The following UBE2W variants were observed in gnomAD, a reference collection of about 807,000 sequenced individuals.
UBE2W encodes ubiquitin-conjugating enzyme E2 W.
UBE2W carries 18 observed loss-of-function variants against 27.2 expected under a neutral mutation model. That is an observed-to-expected ratio of 0.66 (90% CI 0.46 to 0.98). The LOEUF (loss-of-function observed/expected upper bound fraction) is 0.98. UBE2W is among the 50% of genes least tolerant of loss of function. The probability of loss-of-function intolerance (pLI) is 0.00; values close to 1 mark genes in which losing one functional copy is unlikely to be tolerated. For missense variants in UBE2W, 90 were observed against 180.2 expected (o/e 0.50, Z 2.87); for synonymous variants, 53 against 57.2 (o/e 0.93, Z 0.33).
At chr8:73,835,564 G>A (rs942565525) in intron 1 of UBE2W, among the ~76,000 whole-genome samples, 1 of 152,144 alleles carries the variant, frequency 6.6e-6, no homozygotes, top group Non-Finnish European at 1.5e-5. Context: ...CTAATATGGT[G>A]AAAACCTGTC....
At chr8:73,848,204 G>GTAAATAAATAAATAAA (rs1161054554) in intron 1 of UBE2W, among the ~76,000 whole-genome samples, 9 of 151,928 alleles carry the variant, frequency 5.9e-5, no homozygotes, top group African/African-American at 2.2e-4. Flanking sequence ...AAATAAATAA[G>GTAAATAAATAAATAAA]TAAATAAATA....
intron 1 of UBE2W, among the ~76,000 whole-genome samples, chr8:73,876,209 T>C (rs1012957596): frequency 1.3e-5 from 2 of 151,892 alleles, no homozygotes; most frequent in South Asian, 2.1e-4. Context: ...GTCTGACACA[T>C]AGAGGTCCCC....
At chr8:73,877,347 T>C (rs1812275972) in intron 1 of UBE2W, among the ~76,000 whole-genome samples, 2 of 152,240 alleles carry the variant, frequency 1.3e-5, no homozygotes, top group Non-Finnish European at 2.9e-5. Context: ...AAATTGTTCC[T>C]GTTTTTTCCC....
Position 73,791,280 on chromosome 8 carries a change from AAG to A in UBE2W, c.*2820_*2821del, listed in dbSNP as rs1334190307. The A allele has an allele frequency of 2.1e-4, 203 of 982,658 alleles. No homozygotes were observed. In the African/African-American group the frequency reaches 3.0e-3, roughly 14 times the overall value. The allele number at this position is 982,658 out of a possible 1,614,324, so 60.9% of individuals were successfully genotyped here. On this transcript the variant is annotated 3_prime_UTR_variant, in exon 6 of 6. Coordinates refer to ENST00000602593, the MANE Select transcript of UBE2W (RefSeq NM_018299.6). ...TACTTGACCAAAGAAAAAAAAAAAA[AAG>A]AAGGGCATCATGTTCATGATCTAAG...
intron 1 of UBE2W, among the ~76,000 whole-genome samples, chr8:73,863,066 T>C (rs1454685747): frequency 8.0e-6 from 1 of 125,214 alleles, no homozygotes; most frequent in Non-Finnish European, 1.6e-5. Context: ...GACCCAGCCA[T>C]CCCATTACTG....
Position 73,781,099 on chromosome 8 carries a change from GTC to G in UBE2W, c.430-584_430-583del, listed in dbSNP as rs537212491. The stretch of plus-strand genomic sequence containing the variant: ...AGCCTGGCCAACATGGTGAAACCCT[GTC>G]TCTACTAAAAATACAAAAATTAGCC... On this transcript the variant is annotated intron_variant, in intron 4 of 4. Transcript: ENST00000523278. Among the ~76,000 whole-genome samples, 530 of 151,460 alleles carry G rather than the reference GTC, an allele frequency of 3.5e-3. 5 individuals carry two copies. Among genetic ancestry groups the G allele is most frequent in the Non-Finnish European group, 5.0e-3 (340 of 67,802 alleles).
At chr8:73,799,661 T>TA (rs745927341) in intron 5 of UBE2W, among the ~76,000 whole-genome samples, 135 of 152,174 alleles carry the variant, frequency 8.9e-4, no homozygotes, top group African/African-American at 6.3e-4. Flanking sequence ...TTGACCCAAG[T>TA]ATGTCAGGAA....
chr8:73,808,299 G>A (rs1809006423), intron 4 of UBE2W, among the ~76,000 whole-genome samples: 1 of 152,154 alleles, frequency 6.6e-6, no homozygotes, highest in Admixed American at 6.5e-5. Flanking sequence ...GCAGTGGCGT[G>A]ATATCAGCTT....
rs902161564 is a variant in UBE2W at position 73,878,751 on chromosome 8, C to G, written c.15+57G>C. 9 of 1,465,356 alleles carry G rather than the reference C, an allele frequency of 6.1e-6. No homozygotes were observed. The African/African-American group carries it at 1.1e-4, about 18-fold the overall frequency. The allele number at this position is 1,465,356 out of a possible 1,614,324, so 90.8% of individuals were successfully genotyped here. ...ATCGCGGACGCCACCCCCGCCCGAA[C>G]GCTGGCACTCTCTCGGCGGCTCCCT... On this transcript the variant is annotated intron_variant, in intron 1 of 5. Coordinates refer to ENST00000602593, the MANE Select transcript of UBE2W (RefSeq NM_018299.6).
chr8:73,821,795 G>A (rs1187365011), intron 3 of UBE2W, among the ~76,000 whole-genome samples: 1 of 152,046 alleles, frequency 6.6e-6, no homozygotes, highest in Non-Finnish European at 1.5e-5. Context: ...GAGCCCAGGA[G>A]CTCGAGACTA....
chr8:73,813,314 G>A (rs1809252432), intron 3 of UBE2W, among the ~76,000 whole-genome samples: 1 of 152,168 alleles, frequency 6.6e-6, no homozygotes, highest in Non-Finnish European at 1.5e-5. Flanking sequence ...GTACTCAGGA[G>A]AGAAGAGAAA....
chr8:73,799,880 C>CTT (rs1486848145), intron 5 of UBE2W, among the ~76,000 whole-genome samples: 1 of 152,118 alleles, frequency 6.6e-6, no homozygotes, highest in Non-Finnish European at 1.5e-5. Context: ...TGCTAAGAAA[C>CTT]ATCAAGAGTC....
intron 3 of UBE2W, among the ~76,000 whole-genome samples, chr8:73,822,271 G>C (rs986125649): frequency 6.6e-6 from 1 of 152,072 alleles, no homozygotes; most frequent in African/African-American, 2.4e-5. Flanking sequence ...CTGTTGAGAG[G>C]GGGCACTGAG....
chr8:73,812,035 G>C (rs1470559444), intron 3 of UBE2W, among the ~76,000 whole-genome samples: 1 of 151,904 alleles, frequency 6.6e-6, no homozygotes, highest in Non-Finnish European at 1.5e-5. Flanking sequence ...TAATAAAGCA[G>C]TCTTTCATAT....
At chr8:73,834,572 T>G (rs1317854585) in intron 1 of UBE2W, among the ~76,000 whole-genome samples, 1 of 152,090 alleles carries the variant, frequency 6.6e-6, no homozygotes, top group South Asian at 2.1e-4. Context: ...AGTCTAGAAG[T>G]TGGAGTCCAG....
chr8:73,826,646 G>A (rs1239665907), intron 2 of UBE2W, among the ~76,000 whole-genome samples: 3 of 152,126 alleles, frequency 2.0e-5, no homozygotes, highest in Middle Eastern at 3.4e-3. Flanking sequence ...TAAAAGATAC[G>A]ACCACAGACC....
intron 1 of UBE2W, among the ~76,000 whole-genome samples, chr8:73,866,766 T>C (rs1461932720): frequency 6.6e-6 from 1 of 151,858 alleles, no homozygotes; most frequent in Non-Finnish European, 1.5e-5. Context: ...AAAAAGTAAA[T>C]TGGCTGGGCG....
Position 73,788,604 on chromosome 8 carries a change from T to C in UBE2W, c.*5498A>G. On this transcript the variant is annotated 3_prime_UTR_variant, in exon 6 of 6. Transcript: ENST00000602593. ...AAGTTCCTTATGGTAGATTTCAGGCTTTAAATTGTAAGTTTCAGGCTTCAA... is the reference window on the plus strand; with the variant it reads ...AAGTTCCTTATGGTAGATTTCAGGCCTTAAATTGTAAGTTTCAGGCTTCAA... The C allele has an allele frequency of 1.0e-6, 1 of 985,462 alleles. No individual in the cohort carries two copies. Among genetic ancestry groups the C allele is most frequent in the Non-Finnish European group, 1.2e-6 (1 of 829,934 alleles). 61.0% of individuals were successfully genotyped at this position (985,462 alleles called of 1,614,324 possible). A position where few individuals can be genotyped will look rare whatever the true frequency, so the allele number is the denominator to read the frequency against.
intron 1 of UBE2W, among the ~76,000 whole-genome samples, chr8:73,832,175 C>G (rs1042646813): frequency 2.0e-5 from 3 of 148,252 alleles, no homozygotes; most frequent in Admixed American, 1.3e-4. Context: ...GGGGCATGCA[C>G]CTGTACTCCC....
Sources: gnomAD v4.1 joint callset for allele counts (sites outside exome capture counted in the v4.1 genomes callset) on GRCh38, gnomAD v4.1.1 for gene constraint, MANE v1.5 for transcripts, NCBI Gene and HGNC (gene_info 2026-07-23, HGNC 2026-07-21) for gene names.